The following MMP21 variants were observed in gnomAD, a reference collection of about 807,000 sequenced individuals.
MMP21 encodes matrix metalloproteinase-21.
In MMP21, 40 loss-of-function variants were observed where a neutral mutation model predicts 47.8. The ratio of observed to expected loss-of-function variants is 0.84; its 90% confidence interval spans 0.65 to 1.09. The LOEUF (loss-of-function observed/expected upper bound fraction) is 1.09. Ranked by LOEUF, MMP21 falls within the 50% of genes least tolerant of loss-of-function variation. The probability of loss-of-function intolerance (pLI) is 0.00; values close to 1 mark genes in which losing one functional copy is unlikely to be tolerated. For synonymous variants in MMP21, 341 were observed against 318.0 expected (o/e 1.07, Z -0.77); for missense variants, 747 against 775.3 (o/e 0.96, Z 0.43).
rs1369991250 is a variant in MMP21, at chr10:125,775,686, G to A, written c.136C>T (p.Pro46Ser). ...LEPSPLRQAK[P>S]IADLHAAQRF... ...TGAGCAGCGTGGAGGTCGGCAATGG[G>A]CTTGGCCTGGCGCAGTGGGGACGGC... The change falls in exon 1 of 7, where the codon CCC becomes TCC. Residue 46 changes from proline (P) to serine (S), a missense_variant. Transcript: ENST00000368808. The A allele has an allele frequency of 6.2e-7, 1 of 1,612,216 alleles. No homozygotes were observed. Among genetic ancestry groups the A allele is most frequent in the Admixed American group, 1.7e-5 (1 of 59,834 alleles).
At chr10:125,769,468 A>ACCC (rs1399489145) in intron 5 of MMP21, among the ~76,000 whole-genome samples, 1 of 151,910 alleles carries the variant, frequency 6.6e-6, no homozygotes, top group East Asian at 1.9e-4. Context: ...GCTTTGATGG[A>ACCC]CCCCAGTCTC....
intron 1 of MMP21, 68 bp downstream of exon 1, chr10:125,775,592 C>A: frequency 2.0e-6 from 3 of 1,495,838 alleles, no homozygotes; most frequent in Non-Finnish European, 2.7e-6. Flanking sequence ...CCTGTGCGCG[C>A]GTGCGCATGT....
chr10:125,769,785 C>G (rs1200787255), intron 5 of MMP21, among the ~76,000 whole-genome samples: 1 of 152,144 alleles, frequency 6.6e-6, no homozygotes, highest in African/African-American at 2.4e-5. Context: ...CCCTTTCTTA[C>G]AGTTTTTTGG....
At chr10:125,767,492 A>T in intron 6 of MMP21, 40 bp downstream of exon 6, 2 of 1,577,764 alleles carry the variant, frequency 1.3e-6, no homozygotes, top group East Asian at 4.5e-5. Context: ...TCTATTAGGG[A>T]TGACAGAAGC....
chr10:125,774,217 A>G lies in MMP21; in HGVS notation c.311T>C (p.Leu104Pro). The G allele has an allele frequency of 2.2e-6, 3 of 1,380,086 alleles. No homozygotes were observed. The highest frequency in any genetic ancestry group is 1.9e-6 in the Non-Finnish European group (2 of 1,069,674). The allele number at this position is 1,380,086 out of a possible 1,614,324, so 85.5% of individuals were successfully genotyped here. ...CATGGCCGCTAGGGTGGCCGCGTCCAGCTCCCCGCTGGCCGGCAGCGCGTT... is the reference window on the plus strand; with the variant it reads ...CATGGCCGCTAGGGTGGCCGCGTCCGGCTCCCCGCTGGCCGGCAGCGCGTT... ...RANALPASGE[L>P]DAATLAAMNR... The change falls in exon 2 of 7, where the codon CTG (leucine) becomes CCG (proline). Residue 104 changes from leucine (L) to proline (P), a missense_variant. Physicochemically the swap from Leu to Pro is moderately conservative, Grantham distance 98. Transcript: ENST00000368808.
chr10:125,774,144 G>A lies in MMP21; in HGVS notation c.384C>T (p.Ser128=). The change falls in exon 2 of 7, where the codon TCC becomes TCT. Residue 128 remains serine, a synonymous_variant. Transcript: ENST00000368808. ...GCGGGCCCGGGGGCGAAGGCGGGGC[G>A]GAGGGGGGCGGTGGGCGCATGTCCG... ...GVPDMRPPPP[S]APPSPPGPPP... is the part of the protein sequence containing the mutation. The A allele has an allele frequency of 2.3e-6, 3 of 1,281,058 alleles. No homozygotes were observed. The highest frequency in any genetic ancestry group is 5.2e-5 in the South Asian group (2 of 38,472). 79.4% of individuals were successfully genotyped at this position (1,281,058 alleles called of 1,614,324 possible).
In MMP21 at chr10:125,772,758, G is replaced by A. The variant is rs780850212; in HGVS notation, c.698-8C>T. ...GACAGCCCAGGTGCCGGCCTGGCGA[G>A]GGGGAGGAGGAGTTGGTCCCGGTGA... On this transcript the variant is annotated splice_region_variant and splice_polypyrimidine_tract_variant and intron_variant, in intron 2 of 6. Transcript: ENST00000368808. This position sits in a 1 kb window ranked among gnomAD's most constrained non-coding sequence, Gnocchi z 5.6. 2.5e-6 allele frequency: 4 copies of A among 1,611,036 alleles called. No homozygotes were observed. Among genetic ancestry groups the A allele is most frequent in the South Asian group, 1.1e-5 (1 of 91,000 alleles).
Position 125,770,607 on chromosome 10 carries a change from A to C in MMP21, c.980-16T>G, listed in dbSNP as rs577517876. On this transcript the variant is annotated splice_polypyrimidine_tract_variant and intron_variant, in intron 4 of 6. Transcript: ENST00000368808. Reference sequence around the variant, plus strand: ...TCACAGGAGCCTTAAAAAAACAAACAAAAAACAGCCACTTGTCACATACAT... The same window carrying C: ...TCACAGGAGCCTTAAAAAAACAAACCAAAAACAGCCACTTGTCACATACAT... 14 of 1,610,790 alleles carry C rather than the reference A, an allele frequency of 8.7e-6. No individual in the cohort carries two copies. The African/African-American group carries it at 1.7e-4, about 20-fold the overall frequency.
At position 125,772,561 on chromosome 10, in the gene MMP21, C is replaced by T. The variant is rs1290245181; in HGVS notation, c.837+50G>A. 3 of 1,610,676 alleles carry T rather than the reference C, an allele frequency of 1.9e-6. No homozygotes were observed. The highest frequency in any genetic ancestry group is 2.5e-6 in the Non-Finnish European group (3 of 1,177,158). On this transcript the variant is annotated intron_variant, in intron 3 of 6. Transcript: ENST00000368808. The surrounding 1 kb of genome is among the most constrained non-coding windows in gnomAD (Gnocchi z 5.6). ...AAGCTTGGACTTTTTGGACGTCAGC[C>T]CATGAGCACTGCTGGTGTCTTATCA...
intron 5 of MMP21, among the ~76,000 whole-genome samples, chr10:125,768,948 G>A (rs1281963658): frequency 6.6e-6 from 1 of 152,138 alleles, no homozygotes; most frequent in African/African-American, 2.4e-5. Context: ...TTTATATACA[G>A]GATCCTTATG....
intron 6 of MMP21, among the ~76,000 whole-genome samples, chr10:125,767,279 C>T (rs1365453775): frequency 6.6e-6 from 1 of 152,178 alleles, no homozygotes; most frequent in Non-Finnish European, 1.5e-5. Flanking sequence ...GGAACACAGG[C>T]ACGTGCCACC....
chr10:125,768,316 G>A (rs555462074), intron 5 of MMP21, among the ~76,000 whole-genome samples: 1 of 152,312 alleles, frequency 6.6e-6, no homozygotes, highest in South Asian at 2.1e-4. Flanking sequence ...GCTGAGCCAG[G>A]AATGCAAGCC....
chr10:125,771,329 T>C (rs1016397745), intron 4 of MMP21, among the ~76,000 whole-genome samples: 2 of 152,116 alleles, frequency 1.3e-5, no homozygotes, highest in African/African-American at 2.4e-5. Context: ...GTCCTGGCTG[T>C]TGTTGTCTCC....
Position 125,770,522 on chromosome 10 carries a change from A to G in MMP21, c.1049T>C (p.Val350Ala). The G allele has an allele frequency of 6.2e-7, 1 of 1,614,022 alleles. No individual in the cohort carries two copies. Among genetic ancestry groups the G allele is most frequent in the Admixed American group, 1.7e-5 (1 of 60,018 alleles). ...IRKERNQYGE[V>A]MVRFSTYFFR... Reference sequence around the variant, plus strand: ...GAAATATGTGCTAAATCTCACCATCACCTCTCCATATTGGTTTCTCTCTTT... The same window carrying G: ...GAAATATGTGCTAAATCTCACCATCGCCTCTCCATATTGGTTTCTCTCTTT... Residue 350 changes from valine (V) to alanine (A), a missense_variant, in exon 5 of 7, where the codon GTG becomes GCG. By Grantham distance (64) the Val-to-Ala change is moderately conservative. Coordinates refer to ENST00000368808, the MANE Select transcript of MMP21 (RefSeq NM_147191.1).
Position 125,770,611 on chromosome 10 carries a change from A to AAC in MMP21, c.980-22_980-21dup. 6.2e-7 allele frequency: 1 copy of AAC among 1,610,666 alleles called. No individual in the cohort carries two copies. Among genetic ancestry groups the AAC allele is most frequent in the Non-Finnish European group, 8.5e-7 (1 of 1,178,068 alleles). On this transcript the variant is annotated intron_variant, in intron 4 of 6. Transcript: ENST00000368808. ...AGGAGCCTTAAAAAAACAAACAAAA[A>AAC]ACAGCCACTTGTCACATACATGGTG...
intron 5 of MMP21, 73 bp from the exon 6 acceptor site, chr10:125,767,777 TC>T (rs1850402544): frequency 3.3e-6 from 5 of 1,505,512 alleles, no homozygotes; most frequent in East Asian, 4.5e-5. Context: ...CAGTTTTCAA[TC>T]TAGGTCTCAG....
rs1850493438 is a variant in MMP21, at chr10:125,774,428, G to C, written c.163-63C>G. 3.3e-6 allele frequency: 4 copies of C among 1,196,594 alleles called. No individual in the cohort carries two copies. In the East Asian group the frequency reaches 1.3e-4, roughly 38 times the overall value. 74.1% of individuals were successfully genotyped at this position (1,196,594 alleles called of 1,614,324 possible). ...GCTCGGGGCCCTCCCGGGCTGCCCT[G>C]CCCCAAAGTCTAGAGAGACAGAGAC... On this transcript the variant is annotated intron_variant, in intron 1 of 6. Coordinates refer to ENST00000368808, the MANE Select transcript of MMP21 (RefSeq NM_147191.1).
chr10:125,774,393 G>C (rs1457263476), intron 1 of MMP21, 28 bp from the exon 2 acceptor site: 10 of 1,316,690 alleles, frequency 7.6e-6, no homozygotes, highest in Admixed American at 4.1e-5. Flanking sequence ...ACCCTAATCT[G>C]GGCCGCCTCG....
chr10:125,770,214 A>G, intron 5 of MMP21, 120 bp downstream of exon 5: 1 of 1,080,612 alleles, frequency 9.3e-7, no homozygotes, highest in Non-Finnish European at 1.4e-6. Flanking sequence ...TGGAGCAGAC[A>G]GAAATTAAGC....
Sources: allele counts gnomAD v4.1 joint callset (sites outside exome capture counted in the v4.1 genomes callset), GRCh38; gene constraint gnomAD v4.1.1; non-coding constraint Gnocchi (gnomAD v3.1); transcripts MANE v1.5; gene names NCBI Gene and HGNC (gene_info 2026-07-23, HGNC 2026-07-21).